PTP4A2: variants seen among roughly 807,000 people sequenced by gnomAD.
The protein encoded by PTP4A2 is protein tyrosine phosphatase 4A2, also known as protein tyrosine phosphatase type IVA 2.
In PTP4A2, 2 loss-of-function variants were observed where a neutral mutation model predicts 22.9. The observed-to-expected ratio is 0.09, with a 90% CI of 0.04 to 0.27. The LOEUF (loss-of-function observed/expected upper bound fraction) is 0.27. PTP4A2 is among the 10% of genes least tolerant of loss of function. The pLI, the probability that PTP4A2 is intolerant of heterozygous loss-of-function variation, is 1.00. For missense variants in PTP4A2, 103 were observed against 205.1 expected, an observed-to-expected ratio of 0.50 and a Z score of 3.04; for synonymous variants, 68 against 69.1, an observed-to-expected ratio of 0.98 and a Z score of 0.08.
chr1:31,914,416 C>T, intron 3 of PTP4A2: 1 of 372,292 alleles, frequency 2.7e-6, no homozygotes. Context: ...TTATTTTCAC[C>T]AAAATGGACA....
At chr1:31,917,176 C>A (rs1651892194) in intron 2 of PTP4A2, among the ~76,000 whole-genome samples, 1 of 152,180 alleles carries the variant, frequency 6.6e-6, no homozygotes, top group South Asian at 2.1e-4. Context: ...AATAGTACCA[C>A]ATAATTCAGC....
At position 31,909,554 on chromosome 1, in the gene PTP4A2, C is replaced by T. The variant is rs557911003; in HGVS notation, c.395+484G>A. ...GGGCGTGGTGGTGCGTGCCTGTAGT[C>T]CCAGCTACTTGAGAGGCTGAGGCAG... On this transcript the variant is annotated intron_variant, in intron 5 of 5. Coordinates refer to ENST00000647444, the MANE Select transcript of PTP4A2 (RefSeq NM_080391.4). Among the ~76,000 whole-genome samples, 9 of 152,146 alleles carry T rather than the reference C, an allele frequency of 5.9e-5. No homozygotes were observed. The East Asian group carries it at 9.7e-4, about 16-fold the overall frequency.
intron 1 of PTP4A2, among the ~76,000 whole-genome samples, chr1:31,925,521 G>C (rs938339917): frequency 6.6e-6 from 1 of 151,308 alleles, no homozygotes; most frequent in Non-Finnish European, 1.5e-5. Flanking sequence ...TTGGGAGGCC[G>C]AGTTGGGCAG....
intron 1 of PTP4A2, 137 bp downstream of exon 1, chr1:31,937,850 C>T (rs1286716875): frequency 6.6e-6 from 1 of 152,616 alleles, no homozygotes; most frequent in African/African-American, 2.4e-5. Context: ...ACCCTCGCTC[C>T]CCCGCCCCGG....
chr1:31,925,037 T>C (rs1256063639), intron 1 of PTP4A2, among the ~76,000 whole-genome samples: 2 of 152,168 alleles, frequency 1.3e-5, no homozygotes, highest in Admixed American at 1.3e-4. Flanking sequence ...TAGAAATATG[T>C]GTGAGTACTG....
chr1:31,908,140 T>TACA lies in PTP4A2; in HGVS notation c.*711_*712insTGT, dbSNP rs1557858884. On this transcript the variant is annotated 3_prime_UTR_variant, in exon 6 of 6. Transcript: ENST00000647444. Reference sequence around the variant, plus strand: ...TATATATATATATATATATATTATATTATATATATATATATATATATATAT... The same window carrying TACA: ...TATATATATATATATATATATTATATACATATATATATATATATATATATATAT... The TACA allele has an allele frequency of 2.4e-3, 1 of 424 alleles. No homozygotes were observed. 0.0% of individuals were successfully genotyped at this position (424 alleles called of 1,614,324 possible). A position where few individuals can be genotyped will look rare whatever the true frequency, so the allele number is the denominator to read the frequency against.
At chr1:31,916,117 C>T (rs187915440) in intron 2 of PTP4A2, 130 bp from the exon 3 acceptor site, 10 of 555,804 alleles carry the variant, frequency 1.8e-5, no homozygotes, top group South Asian at 2.6e-5. Flanking sequence ...AGGCCTGAGG[C>T]GGGCATATCA....
chr1:31,914,899 G>A (rs1651742978), intron 3 of PTP4A2, among the ~76,000 whole-genome samples: 1 of 152,150 alleles, frequency 6.6e-6, no homozygotes, highest in African/African-American at 2.4e-5. Context: ...AAGCTCCTCA[G>A]AAACCTAACA....
rs991014567 is a variant in PTP4A2, at chr1:31,936,561, T to C, written c.-594+1426A>G. The stretch of plus-strand genomic sequence containing the variant: ...TAAGATAACATCATTTTTAAGATTA[T>C]ATCAATGTGTAAAATCCCTATCAAG... On this transcript the variant is annotated intron_variant, in intron 1 of 5. Transcript: ENST00000647444. 3.4e-4 allele frequency among the ~76,000 whole-genome samples: 52 copies of C among 152,222 alleles called. 1 individual carries two copies. The highest frequency in any genetic ancestry group is 7.3e-5 in the Non-Finnish European group (5 of 68,040).
intron 1 of PTP4A2, among the ~76,000 whole-genome samples, chr1:31,923,514 T>C (rs964971971): frequency 6.6e-6 from 1 of 150,962 alleles, no homozygotes; most frequent in Non-Finnish European, 1.5e-5. Context: ...TTTTGTATTT[T>C]TAGTAGAGAC....
In PTP4A2 at chr1:31,906,814, G is replaced by C. The variant is rs1651197937; in HGVS notation, c.*2038C>G. ...CCCTCCCCCCAAACAACAAAATTCAGAGTATGTCAAAGGAAAAAGGTTTGT... is the reference window on the plus strand; with the variant it reads ...CCCTCCCCCCAAACAACAAAATTCACAGTATGTCAAAGGAAAAAGGTTTGT... On this transcript the variant is annotated 3_prime_UTR_variant, in exon 6 of 6. Coordinates refer to ENST00000647444, the MANE Select transcript of PTP4A2 (RefSeq NM_080391.4). The C allele has an allele frequency of 6.6e-6, 1 of 151,394 alleles. No homozygotes were observed. The highest frequency in any genetic ancestry group is 1.5e-5 in the Non-Finnish European group (1 of 68,064). 9.4% of individuals were successfully genotyped at this position (151,394 alleles called of 1,614,324 possible).
intron 1 of PTP4A2, among the ~76,000 whole-genome samples, chr1:31,928,622 G>A (rs958344301): frequency 6.6e-6 from 1 of 151,002 alleles, no homozygotes; most frequent in Non-Finnish European, 1.5e-5. Context: ...GCTTGAACCT[G>A]GGAGGCGGAA....
intron 1 of PTP4A2, among the ~76,000 whole-genome samples, chr1:31,930,434 A>C (rs540228962): frequency 2.6e-5 from 4 of 152,330 alleles, no homozygotes; most frequent in Admixed American, 2.6e-4. Flanking sequence ...TATTGAGCGT[A>C]TTTAAAGGTC....
chr1:31,908,144 A>T lies in PTP4A2; in HGVS notation c.*708T>A, dbSNP rs1570270433. On this transcript the variant is annotated 3_prime_UTR_variant, in exon 6 of 6. Transcript: ENST00000647444. ...TATATATATATATATATTATATTAT[A>T]TATATATATATATATATATATATAT... The T allele has an allele frequency of 1.9e-3, 1 of 520 alleles. No individual in the cohort carries two copies. Among genetic ancestry groups the T allele is most frequent in the Non-Finnish European group, 5.4e-3 (1 of 186 alleles). 0.0% of individuals were successfully genotyped at this position (520 alleles called of 1,614,324 possible).
intron 2 of PTP4A2, among the ~76,000 whole-genome samples, chr1:31,918,613 G>A (rs1250037024): frequency 6.6e-6 from 1 of 152,158 alleles, no homozygotes; most frequent in East Asian, 1.9e-4. Context: ...TAGGGTTTTT[G>A]TATTTGTGAC....
At position 31,919,084 on chromosome 1, in the gene PTP4A2, T is replaced by C; in HGVS notation, c.-19A>G. 7.8e-7 allele frequency: 1 copy of C among 1,280,938 alleles called. No individual in the cohort carries two copies. The allele number at this position is 1,280,938 out of a possible 1,614,324, so 79.3% of individuals were successfully genotyped here. On this transcript the variant is annotated 5_prime_UTR_variant, in exon 2 of 6. Coordinates refer to ENST00000647444, the MANE Select transcript of PTP4A2 (RefSeq NM_080391.4). ...GGTTCATTATGGCAAATAAAAAGTG[T>C]GAGCGTGCGTGTGAGTGTGATGGGG... is the stretch of plus-strand genomic sequence containing the variant.
rs1456740838 is a variant in PTP4A2, at chr1:31,907,623, G to C, written c.*1229C>G. The C allele has an allele frequency of 6.6e-6, 1 of 151,812 alleles. No homozygotes were observed. The highest frequency in any genetic ancestry group is 1.9e-4 in the East Asian group (1 of 5,186). 9.4% of individuals were successfully genotyped at this position (151,812 alleles called of 1,614,324 possible). ...TAACAAGGCAATCAGTGGTTAAACT[G>C]AACTTTACATATAGGGGGCAGTTTG... On this transcript the variant is annotated 3_prime_UTR_variant, in exon 6 of 6. Transcript: ENST00000647444.
At chr1:31,915,693 A>G in intron 3 of PTP4A2, 1 of 396,112 alleles carries the variant, frequency 2.5e-6, no homozygotes, top group Non-Finnish European at 4.6e-6. Flanking sequence ...GTGTGCACCA[A>G]CATGCCCCAC....
At chr1:31,920,027 G>A (rs1652055866) in intron 1 of PTP4A2, among the ~76,000 whole-genome samples, 1 of 149,870 alleles carries the variant, frequency 6.7e-6, no homozygotes, top group East Asian at 2.0e-4. Flanking sequence ...TCAGGAAGCT[G>A]AGGCAGGAGA....
Sources: allele counts gnomAD v4.1 joint callset (sites outside exome capture counted in the v4.1 genomes callset), GRCh38; gene constraint gnomAD v4.1.1; transcripts MANE v1.5; gene names NCBI Gene and HGNC (gene_info 2026-07-23, HGNC 2026-07-21).